GFRA1: variants seen among roughly 807,000 people sequenced by gnomAD.
GFRA1 encodes GDNF family receptor alpha-1.
A neutral mutation model predicts 51.6 loss-of-function variants in GFRA1; 16 were observed. The observed-to-expected ratio is 0.31, with a 90% CI of 0.21 to 0.47. GFRA1 has a LOEUF of 0.47. Among genes scored for constraint, GFRA1 ranks in the 20% least tolerant of loss-of-function variants. The pLI, the probability that GFRA1 is intolerant of heterozygous loss-of-function variation, is 1.00. For missense variants in GFRA1, 530 were observed against 594.3 expected (o/e 0.89, Z 1.13); for synonymous variants, 270 against 241.3 (o/e 1.12, Z -1.10).
intron 4 of GFRA1, among the ~76,000 whole-genome samples, chr10:116,218,215 G>C (rs780397552): frequency 6.6e-6 from 1 of 152,074 alleles, no homozygotes; most frequent in Non-Finnish European, 1.5e-5. Flanking sequence ...AACACTGCCC[G>C]TCTCCTCTGG....
At chr10:116,226,528 A>G (rs922485299) in intron 4 of GFRA1, among the ~76,000 whole-genome samples, 2 of 151,924 alleles carry the variant, frequency 1.3e-5, no homozygotes, top group African/African-American at 4.8e-5. Context: ...TATGGTTCAG[A>G]GGGGCTTTTG....
intron 6 of GFRA1, among the ~76,000 whole-genome samples, chr10:116,114,502 G>A (rs1957333845): frequency 6.6e-6 from 1 of 152,188 alleles, no homozygotes; most frequent in Non-Finnish European, 1.5e-5. Context: ...GTTTAGTGCT[G>A]TGGGTGCAGA....
At chr10:116,123,533 T>C (rs1038096047) in intron 6 of GFRA1, among the ~76,000 whole-genome samples, 6 of 152,168 alleles carry the variant, frequency 3.9e-5, no homozygotes, top group African/African-American at 1.4e-4. Flanking sequence ...GTTCCCATTC[T>C]ACCAGAATAA....
At chr10:116,106,581 C>T (rs531529354) in intron 6 of GFRA1, among the ~76,000 whole-genome samples, 2 of 149,294 alleles carry the variant, frequency 1.3e-5, no homozygotes, top group South Asian at 4.3e-4. Context: ...TCTTGGGTAG[C>T]GAGTAGGTTC....
intron 5 of GFRA1, among the ~76,000 whole-genome samples, chr10:116,196,715 GTACTATATATAATATATAA>G (rs1469099132): frequency 1.2e-5 from 1 of 85,034 alleles, no homozygotes; most frequent in Non-Finnish European, 2.2e-5. Flanking sequence ...ATTATATATA[GTACTATATATAATATATAA>G]TACTATATAT....
intron 5 of GFRA1, among the ~76,000 whole-genome samples, chr10:116,130,621 T>C (rs1363849632): frequency 6.6e-6 from 1 of 152,198 alleles, no homozygotes; most frequent in Middle Eastern, 3.4e-3. Context: ...AGTCACTTGA[T>C]TTTTTTGAAA....
At chr10:116,064,727 G>A (rs1955016477) in intron 10 of GFRA1, among the ~76,000 whole-genome samples, 183 bp from the exon 11 acceptor site, 1 of 152,014 alleles carries the variant, frequency 6.6e-6, no homozygotes, top group Middle Eastern at 3.2e-3. Flanking sequence ...CATGAACCTG[G>A]GTTAGAACCA....
At chr10:116,217,342 C>T (rs1295787203) in intron 4 of GFRA1, among the ~76,000 whole-genome samples, 1 of 152,210 alleles carries the variant, frequency 6.6e-6, no homozygotes, top group Non-Finnish European at 1.5e-5. Context: ...AAGCTTTTTC[C>T]CTACCATAGG....
intron 4 of GFRA1, among the ~76,000 whole-genome samples, chr10:116,214,279 G>A (rs1217330123): frequency 1.3e-5 from 2 of 152,146 alleles, no homozygotes; most frequent in African/African-American, 4.8e-5. Context: ...AGTAATTTGT[G>A]CGTGTTGCAA....
Position 116,058,040 on chromosome 10 carries a change from G to A in GFRA1, c.*6358C>T, listed in dbSNP as rs1679568. 0.22 allele frequency: 31,691 copies of A among 141,356 alleles called. 3,971 individuals are homozygous for A. The highest frequency in any genetic ancestry group is 0.35 in the African/African-American group (12,949 of 37,490). 8.8% of individuals were successfully genotyped at this position (141,356 alleles called of 1,614,324 possible). On this transcript the variant is annotated 3_prime_UTR_variant, in exon 11 of 11. Coordinates refer to ENST00000355422, the MANE Select transcript of GFRA1 (RefSeq NM_005264.8). ...TGTGTGTGTGTGTGTGTGTGTGTGT[G>A]TGACAGAGAGAACCACGCTTTATTG...
chr10:116,229,201 G>A (rs537459956), intron 4 of GFRA1, among the ~76,000 whole-genome samples: 1 of 152,162 alleles, frequency 6.6e-6, no homozygotes, highest in Admixed American at 6.5e-5. Context: ...ATTTGTTGCA[G>A]AAGCAGTAGG....
intron 6 of GFRA1, among the ~76,000 whole-genome samples, 200 bp downstream of exon 6, chr10:116,125,021 C>T (rs1350765598): frequency 6.6e-6 from 1 of 152,170 alleles, no homozygotes; most frequent in Admixed American, 6.5e-5. Flanking sequence ...GAACTTTCCC[C>T]AGCAGGGAGG....
chr10:116,092,847 T>G (rs1402407640), intron 8 of GFRA1, among the ~76,000 whole-genome samples: 1 of 152,162 alleles, frequency 6.6e-6, no homozygotes, highest in Non-Finnish European at 1.5e-5. Context: ...ACCCAATAAA[T>G]GGCGGCTGCC....
At chr10:116,218,862 C>T (rs1221224522) in intron 4 of GFRA1, among the ~76,000 whole-genome samples, 1 of 152,254 alleles carries the variant, frequency 6.6e-6, no homozygotes, top group Non-Finnish European at 1.5e-5. Context: ...GGATGTAGGC[C>T]GGAGAAAGTT....
intron 9 of GFRA1, among the ~76,000 whole-genome samples, chr10:116,087,096 G>A (rs1191767773): frequency 5.9e-5 from 9 of 152,204 alleles, no homozygotes; most frequent in Admixed American, 3.3e-4. Context: ...TCACTAACAG[G>A]AAAGGAAAGA....
chr10:116,084,868 A>G (rs549741000), intron 9 of GFRA1, among the ~76,000 whole-genome samples: 1 of 152,042 alleles, frequency 6.6e-6, no homozygotes, highest in South Asian at 2.1e-4. Context: ...ACTCCAGTGC[A>G]CGGAAGATGA....
chr10:116,139,819 G>T (rs371341320), intron 5 of GFRA1, among the ~76,000 whole-genome samples: 64 of 152,326 alleles, frequency 4.2e-4, no homozygotes, highest in African/African-American at 1.4e-3. Context: ...AGCACAGCCT[G>T]GGTCCCTGCC....
At chr10:116,219,445 A>G (rs1965777463) in intron 4 of GFRA1, among the ~76,000 whole-genome samples, 1 of 152,206 alleles carries the variant, frequency 6.6e-6, no homozygotes, top group African/African-American at 2.4e-5. Flanking sequence ...GGGCTTAATG[A>G]ATTCATGTAC....
chr10:116,251,489 G>T (rs1968358502), intron 4 of GFRA1, among the ~76,000 whole-genome samples: 2 of 152,172 alleles, frequency 1.3e-5, no homozygotes, highest in Admixed American at 6.5e-5. Context: ...TGCCAGGTTA[G>T]AACCACTGGT....
Sources: allele counts gnomAD v4.1 joint callset (sites outside exome capture counted in the v4.1 genomes callset), GRCh38; gene constraint gnomAD v4.1.1; transcripts MANE v1.5; gene names NCBI Gene and HGNC (gene_info 2026-07-23, HGNC 2026-07-21).